Variants in PTPRD observed in about 807,000 individuals in gnomAD.
The protein encoded by PTPRD is receptor-type tyrosine-protein phosphatase delta.
A neutral mutation model predicts 214.5 loss-of-function variants in PTPRD; 34 were observed. The ratio of observed to expected loss-of-function variants is 0.16; its 90% CI spans 0.12 to 0.21. The LOEUF (loss-of-function observed/expected upper bound fraction) is 0.21. Among genes scored for constraint, PTPRD ranks in the 10% least tolerant of loss-of-function variants. The pLI, the probability that PTPRD is intolerant of heterozygous loss-of-function variation, is 1.00. For missense variants in PTPRD, 2,545 were observed against 2,398.7 expected (o/e 1.06, Z -1.27); for synonymous variants, 1,128 against 845.7 (o/e 1.33, Z -5.79).
At chr9:8,324,302 C>T (rs1831391771) in intron 44 of PTPRD, among the ~76,000 whole-genome samples, 1 of 152,062 alleles carries the variant, frequency 6.6e-6, no homozygotes, top group South Asian at 2.1e-4. Flanking sequence ...TCCCTGCGTC[C>T]ACGTGTTCTC....
chr9:9,073,413 A>G (rs934816461), intron 10 of PTPRD, among the ~76,000 whole-genome samples: 3 of 152,200 alleles, frequency 2.0e-5, no homozygotes, highest in African/African-American at 7.2e-5. Flanking sequence ...CAATATGGCT[A>G]GATCATGGTA....
chr9:9,224,956 T>C (rs2099958478), intron 9 of PTPRD, among the ~76,000 whole-genome samples: 1 of 152,034 alleles, frequency 6.6e-6, no homozygotes, highest in Non-Finnish European at 1.5e-5. Flanking sequence ...GATAATTTGA[T>C]TGACTTCCTG....
intron 8 of PTPRD, among the ~76,000 whole-genome samples, chr9:9,491,947 A>C (rs10977822): frequency 0.63 from 95,968 of 151,696 alleles, 30,704 homozygotes; most frequent in South Asian, 0.74. Context: ...AATCAATGAA[A>C]CCAAAAGGTG....
chr9:9,447,502 G>A (rs1397065534), intron 8 of PTPRD, among the ~76,000 whole-genome samples: 4 of 152,046 alleles, frequency 2.6e-5, no homozygotes, highest in African/African-American at 9.7e-5. Context: ...AACAGACACT[G>A]GGACCTATTG....
intron 11 of PTPRD, among the ~76,000 whole-genome samples, chr9:8,970,373 T>C (rs562506110): frequency 1.6e-4 from 24 of 152,012 alleles, no homozygotes; most frequent in Non-Finnish European, 2.9e-4. Context: ...TAAAGATGAA[T>C]AACCAGAAAG....
intron 2 of PTPRD, among the ~76,000 whole-genome samples, chr9:10,562,191 T>C (rs1203571994): frequency 6.6e-6 from 1 of 152,162 alleles, no homozygotes; most frequent in Non-Finnish European, 1.5e-5. Flanking sequence ...TCTTGAGATA[T>C]AAATCACTCT....
chr9:8,604,227 T>C (rs986760197), intron 14 of PTPRD, among the ~76,000 whole-genome samples: 3 of 152,188 alleles, frequency 2.0e-5, no homozygotes, highest in Non-Finnish European at 1.5e-5. Context: ...CACAATGCTT[T>C]AAGGTATAGT....
At chr9:10,196,197 C>T (rs2099397374) in intron 3 of PTPRD, among the ~76,000 whole-genome samples, 1 of 152,048 alleles carries the variant, frequency 6.6e-6, no homozygotes, top group African/African-American at 2.4e-5. Flanking sequence ...ACATAAAGTA[C>T]AATATCTTGC....
chr9:9,022,590 A>G (rs1050370730), intron 10 of PTPRD, among the ~76,000 whole-genome samples: 1 of 152,138 alleles, frequency 6.6e-6, no homozygotes, highest in Non-Finnish European at 1.5e-5. Flanking sequence ...AGGTTTCTGT[A>G]AGTATGTTCT....
At chr9:8,933,689 T>G (rs2154286381) in intron 11 of PTPRD, among the ~76,000 whole-genome samples, 1 of 152,276 alleles carries the variant, frequency 6.6e-6, no homozygotes, top group South Asian at 2.1e-4. Context: ...TCACCTGATA[T>G]ACTACCTCTT....
At chr9:9,868,600 TA>T (rs767125175) in intron 5 of PTPRD, among the ~76,000 whole-genome samples, 67 of 146,478 alleles carry the variant, frequency 4.6e-4, no homozygotes, top group Non-Finnish European at 5.0e-4. Flanking sequence ...GATAAATTAT[TA>T]AAAAAAAAAA....
chr9:8,796,670 A>G (rs982137674), intron 11 of PTPRD, among the ~76,000 whole-genome samples: 9 of 152,152 alleles, frequency 5.9e-5, no homozygotes, highest in Non-Finnish European at 1.3e-4. Context: ...GGCTTTGAAA[A>G]TGAGTACAAT....
At chr9:10,605,370 G>A (rs768572455) in intron 2 of PTPRD, among the ~76,000 whole-genome samples, 3 of 151,840 alleles carry the variant, frequency 2.0e-5, no homozygotes, top group Non-Finnish European at 4.4e-5. Context: ...CTGCTGCAGT[G>A]GTCTGGCGAT....
In PTPRD at chr9:9,926,180, T is replaced by C. The variant is rs2084239845; in HGVS notation, c.-368+12327A>G. 2.0e-5 allele frequency among the ~76,000 whole-genome samples: 3 copies of C among 152,136 alleles called. No individual in the cohort carries two copies. In the South Asian group the frequency reaches 6.2e-4, roughly 31 times the overall value. ...GTACTTCTAAATTCTACCTATCTTA[T>C]ACTTACCTAATATTTTCCTAAGTCA... On this transcript the variant is annotated intron_variant, in intron 5 of 45. Coordinates refer to ENST00000381196, the MANE Select transcript of PTPRD (RefSeq NM_002839.4).
rs1465219560 is a variant in PTPRD, at chr9:8,340,392, T to G, written c.5204A>C (p.His1735Pro). The G allele has an allele frequency of 6.2e-7, 1 of 1,611,172 alleles. No individual in the cohort carries two copies. The highest frequency in any genetic ancestry group is 8.5e-7 in the Non-Finnish European group (1 of 1,177,980). ...GAGCATCACAACTATGGTGGAATTG[T>G]GTTCCCAGAGCATCCGCCAGAAGTC... is the stretch of plus-strand genomic sequence containing the variant. ...TEDFWRMLWEHNSTIVVMLTK... is the reference protein window; with the variant it reads ...TEDFWRMLWEPNSTIVVMLTK... The change falls in exon 42 of 46, where the codon CAC becomes CCC. Residue 1735 changes from histidine to proline, a missense_variant. His to Pro is a moderately conservative substitution (Grantham distance 77). Transcript: ENST00000381196.
chr9:10,394,289 GC>G (rs1391074027), intron 2 of PTPRD, among the ~76,000 whole-genome samples: 1 of 148,116 alleles, frequency 6.8e-6, no homozygotes, highest in African/African-American at 2.5e-5. Context: ...ATTCTCATTT[GC>G]CTCAACATAC....
chr9:9,789,607 C>T (rs1189499838), intron 5 of PTPRD, among the ~76,000 whole-genome samples: 1 of 151,562 alleles, frequency 6.6e-6, no homozygotes, highest in Admixed American at 6.6e-5. Flanking sequence ...ACTATCCTGG[C>T]TAACACGATG....
intron 14 of PTPRD, among the ~76,000 whole-genome samples, chr9:8,576,667 C>T (rs1448744459): frequency 2.7e-5 from 4 of 149,612 alleles, no homozygotes; most frequent in Non-Finnish European, 4.4e-5. Context: ...TTTGCATATC[C>T]GTGTCTCTTT....
chr9:10,452,628 A>C (rs2098849452), intron 2 of PTPRD, among the ~76,000 whole-genome samples: 1 of 151,842 alleles, frequency 6.6e-6, no homozygotes, highest in Admixed American at 6.6e-5. Context: ...TGTCTTCTGA[A>C]AAAATGTCTA....
Sources: allele counts gnomAD v4.1 joint callset (sites outside exome capture counted in the v4.1 genomes callset), GRCh38; gene constraint gnomAD v4.1.1; transcripts MANE v1.5; gene names NCBI Gene and HGNC (gene_info 2026-07-23, HGNC 2026-07-21).